ZNF407: variants seen among roughly 807,000 people sequenced by gnomAD.
ZNF407 encodes the protein zinc finger protein 407.
ZNF407 carries 17 observed loss-of-function variants against 131.2 expected under a neutral mutation model. The ratio of observed to expected loss-of-function variants is 0.13; its 90% CI spans 0.09 to 0.19. ZNF407 has a LOEUF of 0.19. Among genes scored for constraint, ZNF407 ranks in the 10% least tolerant of loss-of-function variants. The pLI is 1.00. For missense variants in ZNF407, 2,681 were observed against 2,830.6 expected, an observed-to-expected ratio of 0.95 and a Z score of 1.20; for synonymous variants, 1,156 against 1,062.0, an observed-to-expected ratio of 1.09 and a Z score of -1.72.
At position 74,632,339 on chromosome 18, in the gene ZNF407, A is replaced by G; in HGVS notation, c.1320A>G (p.Ala440=). 1 of 1,614,008 alleles carries G rather than the reference A, an allele frequency of 6.2e-7. No individual in the cohort carries two copies. Among genetic ancestry groups the G allele is most frequent in the South Asian group, 1.1e-5 (1 of 91,086 alleles). ...RSSTFTLKGQ[A]KKRFNLLGIK... Reference sequence around the variant, plus strand: ...GCACTTTCACCTTGAAGGGCCAGGCAAAGAAAAGGTTTAATCTTTTAGGAA... The same window carrying G: ...GCACTTTCACCTTGAAGGGCCAGGCGAAGAAAAGGTTTAATCTTTTAGGAA... The change falls in exon 2 of 9, where the codon GCA becomes GCG. Residue 440 remains alanine (A), a synonymous_variant. Coordinates refer to ENST00000299687, the MANE Select transcript of ZNF407 (RefSeq NM_017757.3).
At chr18:74,901,094 G>A (rs1750307357) in intron 7 of ZNF407, among the ~76,000 whole-genome samples, 1 of 152,074 alleles carries the variant, frequency 6.6e-6, no homozygotes, top group Non-Finnish European at 1.5e-5. Context: ...GACTTAGGGT[G>A]CATTATAACT....
intron 8 of ZNF407, among the ~76,000 whole-genome samples, chr18:74,958,647 G>T (rs1972304640): frequency 6.6e-6 from 1 of 152,198 alleles, no homozygotes; most frequent in Non-Finnish European, 1.5e-5. Context: ...GAGTAAGCCG[G>T]GGCTCTCAGA....
At chr18:74,630,330 C>G (rs755435191) in intron 1 of ZNF407, among the ~76,000 whole-genome samples, 1 of 152,064 alleles carries the variant, frequency 6.6e-6, no homozygotes, top group Non-Finnish European at 1.5e-5. Flanking sequence ...GCCACCATAC[C>G]TGGCTAATTT....
rs918536772 is a variant in ZNF407 at position 74,751,496 on chromosome 18, A to G, written c.4803-29932A>G. Among the ~76,000 whole-genome samples, 276 of 152,070 alleles carry G rather than the reference A, an allele frequency of 1.8e-3. 5 individuals carry two copies. Among genetic ancestry groups the G allele is most frequent in the Non-Finnish European group, 7.8e-4 (53 of 68,024 alleles). Reference sequence around the variant, plus strand: ...CATTAACTCGTCATTTACATTAGGTATATCTTCTAATGCTATCCCTCTCCC... The same window carrying G: ...CATTAACTCGTCATTTACATTAGGTGTATCTTCTAATGCTATCCCTCTCCC... On this transcript the variant is annotated intron_variant, in intron 3 of 8. Transcript: ENST00000299687.
At chr18:74,910,589 C>T (rs1971656387) in intron 7 of ZNF407, among the ~76,000 whole-genome samples, 1 of 151,960 alleles carries the variant, frequency 6.6e-6, no homozygotes, top group East Asian at 1.9e-4. Context: ...ATTGTGAAGC[C>T]TCTTTAACTT....
At chr18:74,972,869 A>G (rs1173119233) in intron 8 of ZNF407, among the ~76,000 whole-genome samples, 1 of 152,204 alleles carries the variant, frequency 6.6e-6, no homozygotes, top group African/African-American at 2.4e-5. Flanking sequence ...GCAGTATATA[A>G]TTGGTCCACA....
At chr18:74,807,268 G>A (rs1394400764) in intron 4 of ZNF407, among the ~76,000 whole-genome samples, 1 of 152,196 alleles carries the variant, frequency 6.6e-6, no homozygotes, top group East Asian at 1.9e-4. Context: ...AGAAAGTACA[G>A]TGAAACTGAA....
chr18:74,968,914 T>C (rs915825422), intron 8 of ZNF407, among the ~76,000 whole-genome samples: 3 of 152,136 alleles, frequency 2.0e-5, no homozygotes, highest in African/African-American at 7.2e-5. Context: ...ATGGGGCTTT[T>C]GTCATTGTCC....
intron 3 of ZNF407, among the ~76,000 whole-genome samples, chr18:74,776,134 G>C (rs1969466347): frequency 6.6e-6 from 1 of 152,188 alleles, no homozygotes; most frequent in Admixed American, 6.5e-5. Context: ...GGAGGGCAGA[G>C]CCTTCAGGAA....
chr18:74,842,421 T>C, intron 4 of ZNF407, among the ~76,000 whole-genome samples: 1 of 152,226 alleles, frequency 6.6e-6, no homozygotes, highest in East Asian at 1.9e-4. Flanking sequence ...TTTAAATTCC[T>C]ACTACTGTGT....
chr18:74,918,788 AATAAGAGTAAGT>A (rs143589757), intron 7 of ZNF407, among the ~76,000 whole-genome samples: 5,285 of 152,202 alleles, frequency 0.035, 331 homozygotes, highest in African/African-American at 0.12. Context: ...ATATTTGAAA[AATAAGAGTAAGT>A]GGGCATTGCA....
chr18:74,989,206 G>A (rs958427123), intron 8 of ZNF407, among the ~76,000 whole-genome samples: 1 of 152,202 alleles, frequency 6.6e-6, no homozygotes, highest in African/African-American at 2.4e-5. Context: ...TGAGACCCAA[G>A]CAAATACTAC....
intron 3 of ZNF407, among the ~76,000 whole-genome samples, chr18:74,768,314 T>G (rs1969287592): frequency 6.6e-6 from 1 of 152,174 alleles, no homozygotes; most frequent in Non-Finnish European, 1.5e-5. Context: ...TTAGACAAGA[T>G]TGGAAACAGG....
At chr18:74,653,578 G>A (rs1444273767) in intron 3 of ZNF407, among the ~76,000 whole-genome samples, 1 of 151,618 alleles carries the variant, frequency 6.6e-6, no homozygotes, top group Non-Finnish European at 1.5e-5. Flanking sequence ...TGGGTTTTTA[G>A]CAATTAAATG....
At chr18:74,700,815 A>G (rs913886100) in intron 3 of ZNF407, among the ~76,000 whole-genome samples, 1 of 152,120 alleles carries the variant, frequency 6.6e-6, no homozygotes, top group Admixed American at 6.6e-5. Context: ...TGCTTCTGGA[A>G]CCTGTTCTTT....
intron 4 of ZNF407, among the ~76,000 whole-genome samples, chr18:74,823,581 A>G (rs1391409038): frequency 6.6e-6 from 1 of 152,216 alleles, no homozygotes; most frequent in Non-Finnish European, 1.5e-5. Flanking sequence ...GATAAAACAG[A>G]CTTCAAACCA....
chr18:75,003,729 G>T (rs1380348319), intron 8 of ZNF407, among the ~76,000 whole-genome samples: 1 of 152,136 alleles, frequency 6.6e-6, no homozygotes, highest in East Asian at 1.9e-4. Flanking sequence ...ACTTTGTATT[G>T]TCCACTCTAA....
chr18:74,751,013 C>G (rs550387339), intron 3 of ZNF407, among the ~76,000 whole-genome samples: 2 of 151,964 alleles, frequency 1.3e-5, no homozygotes, highest in East Asian at 3.9e-4. Flanking sequence ...AGATCCCTTG[C>G]CCGTTTTTAC....
Position 74,772,464 on chromosome 18 carries a change from A to AT in ZNF407, c.4803-8958dup, listed in dbSNP as rs1310117534. Among the ~76,000 whole-genome samples the AT allele has an allele frequency of 7.9e-5, 12 of 152,112 alleles. No individual in the cohort carries two copies. In the East Asian group the frequency reaches 1.3e-3, roughly 17 times the overall value. On this transcript the variant is annotated intron_variant, in intron 3 of 8. Transcript: ENST00000299687. ...ACACATAGGATTTGTTGTATGTAGTATTTTTTGTCCTTTTAAAATCTAAGC... is the reference window on the plus strand; with the variant it reads ...ACACATAGGATTTGTTGTATGTAGTATTTTTTTGTCCTTTTAAAATCTAAGC...
Sources: gnomAD v4.1 joint callset for allele counts (sites outside exome capture counted in the v4.1 genomes callset) on GRCh38, gnomAD v4.1.1 for gene constraint, MANE v1.5 for transcripts, NCBI Gene and HGNC (gene_info 2026-07-23, HGNC 2026-07-21) for gene names.